Variants in DYNC2H1 observed in about 807,000 individuals in gnomAD.
DYNC2H1 encodes the protein cytoplasmic dynein 2 heavy chain 1.
DYNC2H1 carries 410 observed loss-of-function variants against 570.0 expected under a neutral mutation model. The observed-to-expected ratio is 0.72, with a 90% CI of 0.66 to 0.78. DYNC2H1 has a LOEUF of 0.78. DYNC2H1 is among the 30% of genes least tolerant of loss of function. The pLI is 0.00. For synonymous variants in DYNC2H1, 1,688 were observed against 1,677.6 expected (o/e 1.01, Z -0.15); for missense variants, 4,865 against 5,046.4 (o/e 0.96, Z 1.09).
intron 55 of DYNC2H1, among the ~76,000 whole-genome samples, chr11:103,219,438 C>A (rs1863504262): frequency 6.6e-6 from 1 of 152,084 alleles, no homozygotes; most frequent in Non-Finnish European, 1.5e-5. Context: ...ATGGCGAAAC[C>A]CCGTCTCTAC....
intron 2 of DYNC2H1, among the ~76,000 whole-genome samples, 155 bp from the exon 3 acceptor site, chr11:103,113,948 T>C (rs982204422): frequency 6.6e-6 from 1 of 152,216 alleles, no homozygotes; most frequent in Non-Finnish European, 1.5e-5. Flanking sequence ...ATGCTTTTCA[T>C]AGTTTTAACT....
chr11:103,344,130 C>T (rs1413323468), intron 82 of DYNC2H1, among the ~76,000 whole-genome samples: 1 of 152,084 alleles, frequency 6.6e-6, no homozygotes, highest in East Asian at 1.9e-4. Flanking sequence ...CTATGTGACT[C>T]AGAAAAATGT....
At chr11:103,353,982 T>C (rs945269277) in intron 82 of DYNC2H1, among the ~76,000 whole-genome samples, 1 of 151,734 alleles carries the variant, frequency 6.6e-6, no homozygotes, top group African/African-American at 2.4e-5. Flanking sequence ...ATCAAGACCA[T>C]CCTGGCCAAC....
Position 103,321,246 on chromosome 11 carries a change from A to T in DYNC2H1, c.11934+9A>T. The T allele has an allele frequency of 6.3e-7, 1 of 1,595,472 alleles. No individual in the cohort carries two copies. Among genetic ancestry groups the T allele is most frequent in the Non-Finnish European group, 8.6e-7 (1 of 1,168,594 alleles). On this transcript the variant is annotated intron_variant, in intron 81 of 88. Transcript: ENST00000375735. ...AATCCTGCAGCATTTTGGTAGGTAA[A>T]ATGAATGATTTTCAATCTATTTCCA...
At chr11:103,152,083 G>C in intron 20 of DYNC2H1, 53 bp from the exon 21 acceptor site, 2 of 1,432,044 alleles carry the variant, frequency 1.4e-6, no homozygotes, top group Non-Finnish European at 1.9e-6. Context: ...AATCTTAAGA[G>C]ATTTGATAAA....
chr11:103,183,541 C>A (rs773499149), intron 40 of DYNC2H1, among the ~76,000 whole-genome samples: 2 of 151,716 alleles, frequency 1.3e-5, no homozygotes, highest in Non-Finnish European at 2.9e-5. Flanking sequence ...GTATTTTGTT[C>A]ACCATGCACA....
intron 47 of DYNC2H1, among the ~76,000 whole-genome samples, chr11:103,193,830 G>A (rs1020064400): frequency 6.6e-6 from 1 of 152,102 alleles, no homozygotes; most frequent in African/African-American, 2.4e-5. Flanking sequence ...TTAGCTGTAA[G>A]CCACCACACC....
intron 82 of DYNC2H1, among the ~76,000 whole-genome samples, chr11:103,351,176 G>GCC (rs1485192238): frequency 7.9e-5 from 12 of 152,094 alleles, no homozygotes; most frequent in Non-Finnish European, 1.5e-4. Flanking sequence ...GGGCTGGAAG[G>GCC]TTCAAAATGT....
rs1360549005 is a variant in DYNC2H1 at position 103,439,254 on chromosome 11, G to A, written c.12456+3222G>A. Among the ~76,000 whole-genome samples the A allele has an allele frequency of 6.6e-6, 1 of 152,072 alleles. No homozygotes were observed. Among genetic ancestry groups the A allele is most frequent in the Non-Finnish European group, 1.5e-5 (1 of 68,016 alleles). Reference sequence around the variant, plus strand: ...AACTTAGTAGGAATAAACCAGATGAGGATGAGACGAAAGAATGTATCAGAC... The same window carrying A: ...AACTTAGTAGGAATAAACCAGATGAAGATGAGACGAAAGAATGTATCAGAC... On this transcript the variant is annotated intron_variant, in intron 85 of 88. Transcript: ENST00000375735. This position sits in a 1 kb window ranked among gnomAD's most constrained non-coding sequence, Gnocchi z 4.1.
intron 11 of DYNC2H1, among the ~76,000 whole-genome samples, chr11:103,123,736 A>G (rs1450945706): frequency 2.6e-5 from 4 of 152,316 alleles, no homozygotes; most frequent in South Asian, 2.1e-4. Flanking sequence ...TAGCATACCA[A>G]CGGTCTGAGA....
At chr11:103,401,677 G>A (rs1326587233) in intron 84 of DYNC2H1, among the ~76,000 whole-genome samples, 2 of 152,004 alleles carry the variant, frequency 1.3e-5, no homozygotes, top group African/African-American at 2.4e-5. Flanking sequence ...GTAAAATGAG[G>A]GTAGTAATAG....
At chr11:103,310,926 T>C (rs1017814097) in intron 78 of DYNC2H1, among the ~76,000 whole-genome samples, 1 of 151,834 alleles carries the variant, frequency 6.6e-6, no homozygotes, top group Non-Finnish European at 1.5e-5. Flanking sequence ...GGTCTCGAAC[T>C]CCTGACCTCA....
Position 103,205,594 on chromosome 11 carries a change from C to G in DYNC2H1, c.8454+630C>G, listed in dbSNP as rs1862894155. 2.0e-5 allele frequency among the ~76,000 whole-genome samples: 3 copies of G among 152,004 alleles called. No homozygotes were observed. Among genetic ancestry groups the G allele is most frequent in the African/African-American group, 4.8e-5 (2 of 41,396 alleles). The stretch of plus-strand genomic sequence containing the variant: ...TGAAAGATATTTTAGCTTGAGGAGG[C>G]CACGTGAATAAGAGGCATTCATTAA... On this transcript the variant is annotated intron_variant, in intron 52 of 88. Coordinates refer to ENST00000375735, the MANE Select transcript of DYNC2H1 (RefSeq NM_001377.3). The surrounding 1 kb of genome is among the most constrained non-coding windows in gnomAD (Gnocchi z 4.5).
intron 73 of DYNC2H1, among the ~76,000 whole-genome samples, chr11:103,284,220 A>G (rs1024604590): frequency 6.6e-6 from 1 of 152,158 alleles, no homozygotes; most frequent in Non-Finnish European, 1.5e-5. Flanking sequence ...GTAATTTTCC[A>G]TCCACTGACC....
At chr11:103,360,205 C>T (rs908539403) in intron 83 of DYNC2H1, among the ~76,000 whole-genome samples, 1 of 151,836 alleles carries the variant, frequency 6.6e-6, no homozygotes, top group African/African-American at 2.4e-5. Flanking sequence ...ATAATTTCCC[C>T]TAAAATAAAA....
chr11:103,273,312 C>G (rs944749335), intron 70 of DYNC2H1, among the ~76,000 whole-genome samples: 48 of 152,050 alleles, frequency 3.2e-4, no homozygotes, highest in Non-Finnish European at 2.1e-4. Context: ...ACCTCAGCCT[C>G]CCAAATACTG....
chr11:103,233,875 T>G (rs1317163675), intron 60 of DYNC2H1, among the ~76,000 whole-genome samples, 159 bp from the exon 61 acceptor site: 1 of 88,674 alleles, frequency 1.1e-5, no homozygotes, highest in Non-Finnish European at 2.5e-5. Flanking sequence ...TGTGTGTGTG[T>G]GTGGGTTTGT....
chr11:103,192,255 A>G lies in DYNC2H1; in HGVS notation c.7699A>G (p.Asn2567Asp). ...AGATTGGGGCTCAGACATATTAGAC[A>G]ATATGTCAGGTAAGGTAATAGAGCT... ...QGDWGSDILD[N>D]MSDSFYVTWG... is the part of the protein sequence containing the mutation. Residue 2567 changes from asparagine to aspartate, a missense_variant, in exon 47 of 89, where the codon AAT becomes GAT. Coordinates refer to ENST00000375735, the MANE Select transcript of DYNC2H1 (RefSeq NM_001377.3). The G allele has an allele frequency of 6.4e-7, 1 of 1,554,554 alleles. No individual in the cohort carries two copies. The highest frequency in any genetic ancestry group is 8.8e-7 in the Non-Finnish European group (1 of 1,142,784).
chr11:103,281,769 G>A (rs1163406557), intron 71 of DYNC2H1, among the ~76,000 whole-genome samples: 1 of 150,304 alleles, frequency 6.7e-6, no homozygotes, highest in Admixed American at 6.6e-5. Flanking sequence ...AGAAAAAAAT[G>A]CGTTAATGGA....
Sources: gnomAD v4.1 joint callset for allele counts (sites outside exome capture counted in the v4.1 genomes callset) on GRCh38, gnomAD v4.1.1 for gene constraint, Gnocchi (gnomAD v3.1) non-coding constraint, MANE v1.5 for transcripts, NCBI Gene and HGNC (gene_info 2026-07-23, HGNC 2026-07-21) for gene names.